Variants in STX18 observed in about 807,000 individuals in gnomAD.
STX18 encodes the protein syntaxin-18.
Under a neutral mutation model 50.1 loss-of-function variants are expected in STX18, and 40 were observed. The ratio of observed to expected loss-of-function variants is 0.80; its 90% CI spans 0.62 to 1.04. The LOEUF is 1.04. Ranked by LOEUF, STX18 falls within the 50% of genes least tolerant of loss-of-function variation. The pLI is 0.00. For missense variants in STX18, 410 were observed against 415.8 expected, an observed-to-expected ratio of 0.99 and a Z score of 0.12; for synonymous variants, 158 against 151.8, an observed-to-expected ratio of 1.04 and a Z score of -0.30.
At chr4:4,479,108 T>C (rs897157414) in intron 1 of STX18, 1 of 152,174 alleles carries the variant, frequency 6.6e-6, no homozygotes, top group Admixed American at 6.5e-5. Context: ...TTTTAAAAAA[T>C]AGTAGTGGCA....
At chr4:4,464,782 T>C (rs1398500106) in intron 2 of STX18, among the ~76,000 whole-genome samples, 1 of 151,822 alleles carries the variant, frequency 6.6e-6, no homozygotes, top group Non-Finnish European at 1.5e-5. Context: ...ACTGTGTTTA[T>C]TTAAATCTTC....
At chr4:4,449,042 C>CTTTTT (rs34106688) in intron 5 of STX18, among the ~76,000 whole-genome samples, 35 of 110,160 alleles carry the variant, frequency 3.2e-4, no homozygotes, top group East Asian at 1.3e-3. Context: ...GGACCCCATT[C>CTTTTT]TTTTTTTTTT....
chr4:4,431,191 G>GA lies in STX18; in HGVS notation c.702+3578dup, dbSNP rs201846931. 9.1e-3 allele frequency among the ~76,000 whole-genome samples: 1,368 copies of GA among 149,864 alleles called. 17 individuals are homozygous for GA. The highest frequency in any genetic ancestry group is 0.032 in the East Asian group (164 of 5,126). On this transcript the variant is annotated intron_variant, in intron 7 of 10. Coordinates refer to ENST00000306200, the MANE Select transcript of STX18 (RefSeq NM_016930.4). ...TGGAGTGCATTAAAAAAGAAAGAAA[G>GA]AAAAAAAAAGCCCAACACAGAAGGT...
rs528929197 is a variant in STX18, at chr4:4,494,336, G to A, written c.169-22630C>T. ...GAGACTGCATTCCCTGATCCCTAAGGTCTAGTCCAGCTCCCCAAATTCCCT... is the reference window on the plus strand; with the variant it reads ...GAGACTGCATTCCCTGATCCCTAAGATCTAGTCCAGCTCCCCAAATTCCCT... On this transcript the variant is annotated intron_variant, in intron 1 of 10. Coordinates refer to ENST00000306200, the MANE Select transcript of STX18 (RefSeq NM_016930.4). Among the ~76,000 whole-genome samples, 3 of 152,128 alleles carry A rather than the reference G, an allele frequency of 2.0e-5. No individual in the cohort carries two copies. In the East Asian group the frequency reaches 5.8e-4, roughly 29 times the overall value.
intron 2 of STX18, among the ~76,000 whole-genome samples, chr4:4,466,806 A>C (rs1469214393): frequency 6.6e-6 from 1 of 152,196 alleles, no homozygotes; most frequent in Non-Finnish European, 1.5e-5. Context: ...ATAGAGAAAG[A>C]GTTAAATATA....
chr4:4,512,929 T>C (rs1730067147), intron 1 of STX18, among the ~76,000 whole-genome samples: 1 of 152,150 alleles, frequency 6.6e-6, no homozygotes, highest in Admixed American at 6.5e-5. Context: ...CAGAAGACCA[T>C]AATTGACCAA....
intron 6 of STX18, among the ~76,000 whole-genome samples, chr4:4,437,100 C>T (rs1470275532): frequency 2.0e-5 from 3 of 152,138 alleles, no homozygotes; most frequent in Non-Finnish European, 4.4e-5. Context: ...GCTGGGATTA[C>T]AGGCGTGTGC....
At chr4:4,474,947 T>C (rs568417541) in intron 1 of STX18, among the ~76,000 whole-genome samples, 1 of 152,254 alleles carries the variant, frequency 6.6e-6, no homozygotes, top group South Asian at 2.1e-4. Context: ...GAGAAACTAA[T>C]ACACCTACTA....
chr4:4,514,136 A>G (rs1730132424), intron 1 of STX18, among the ~76,000 whole-genome samples: 1 of 152,204 alleles, frequency 6.6e-6, no homozygotes, highest in Non-Finnish European at 1.5e-5. Context: ...TGAAAGTAGT[A>G]AGTATTCAAT....
rs1404542871 is a variant in STX18, at chr4:4,495,440, G to A, written c.169-23734C>T. Among the ~76,000 whole-genome samples the A allele has an allele frequency of 2.0e-5, 3 of 151,964 alleles. 1 individual carries two copies. Among genetic ancestry groups the A allele is most frequent in the East Asian group, 3.9e-4 (2 of 5,176 alleles). ...GTCTTCCTCCATCACCCATGCTGCT[G>A]TGCTGTGACATGATCATACCTCAAT... On this transcript the variant is annotated intron_variant, in intron 1 of 10. Transcript: ENST00000306200.
At chr4:4,423,798 G>A in intron 8 of STX18, 1 of 581,604 alleles carries the variant, frequency 1.7e-6, no homozygotes, top group South Asian at 2.1e-5. Flanking sequence ...CTAGCACACT[G>A]GTCTTTTTGG....
At chr4:4,491,484 T>C (rs1477750179) in intron 1 of STX18, among the ~76,000 whole-genome samples, 1 of 152,102 alleles carries the variant, frequency 6.6e-6, no homozygotes, top group Non-Finnish European at 1.5e-5. Flanking sequence ...GTCTCTACTA[T>C]AGATTTTACA....
chr4:4,448,835 T>C (rs1454025875), intron 5 of STX18, among the ~76,000 whole-genome samples: 1 of 152,196 alleles, frequency 6.6e-6, no homozygotes, highest in African/African-American at 2.4e-5. Flanking sequence ...GTAAAATGGC[T>C]TTCAGTATCT....
At position 4,423,581 on chromosome 4, in the gene STX18, G is replaced by A. The variant is rs746484842; in HGVS notation, c.768C>T (p.Ile256=). 5 of 1,614,038 alleles carry A rather than the reference G, an allele frequency of 3.1e-6. No homozygotes were observed. The highest frequency in any genetic ancestry group is 2.2e-5 in the South Asian group (2 of 91,062). ...MNSLFDEVRQ[I]EGRVVEISRL... ...TGGAAATCTCAACCACTCTCCCTTC[G>A]ATTTGCCTTCATAAAAAGAACAGAT... The change falls in exon 9 of 11, where the codon ATC becomes ATT. Residue 256 remains isoleucine, a synonymous_variant. Coordinates refer to ENST00000306200, the MANE Select transcript of STX18 (RefSeq NM_016930.4).
chr4:4,485,022 G>A (rs964386662), intron 1 of STX18, among the ~76,000 whole-genome samples: 5 of 152,322 alleles, frequency 3.3e-5, no homozygotes, highest in African/African-American at 1.2e-4. Flanking sequence ...CATCTGGTCT[G>A]GAGGCTGTGT....
chr4:4,461,755 T>C lies in STX18; in HGVS notation c.237-2268A>G. On this transcript the variant is annotated intron_variant, in intron 2 of 10. Coordinates refer to ENST00000306200, the MANE Select transcript of STX18 (RefSeq NM_016930.4). ...ACAGAACCTGGGCTACCGGGGGGAA[T>C]GCTTATTCCCTAATCCTCATGTTTC... 7.3e-6 allele frequency: 3 copies of C among 412,742 alleles called. No homozygotes were observed. In the East Asian group the frequency reaches 2.1e-4, roughly 29 times the overall value. The allele number at this position is 412,742 out of a possible 1,614,324, so 25.6% of individuals were successfully genotyped here. A position where few individuals can be genotyped will look rare whatever the true frequency, so the allele number is the denominator to read the frequency against.
intron 1 of STX18, among the ~76,000 whole-genome samples, chr4:4,485,064 T>C (rs566880340): frequency 6.6e-6 from 1 of 152,330 alleles, no homozygotes; most frequent in African/African-American, 2.4e-5. Context: ...TGCATTCTTC[T>C]GAGTCTCCAT....
intron 5 of STX18, among the ~76,000 whole-genome samples, chr4:4,456,954 C>T (rs939320940): frequency 2.6e-5 from 4 of 152,148 alleles, no homozygotes; most frequent in Non-Finnish European, 5.9e-5. Context: ...GCCTCAACTT[C>T]CTCATTTGTA....
At chr4:4,511,867 G>A (rs1437961042) in intron 1 of STX18, among the ~76,000 whole-genome samples, 1 of 151,768 alleles carries the variant, frequency 6.6e-6, no homozygotes, top group Non-Finnish European at 1.5e-5. Context: ...ATGAAGGATG[G>A]GTTAAAGTTC....
Sources: gnomAD v4.1 joint callset for allele counts (sites outside exome capture counted in the v4.1 genomes callset) on GRCh38, gnomAD v4.1.1 for gene constraint, MANE v1.5 for transcripts, NCBI Gene and HGNC (gene_info 2026-07-23, HGNC 2026-07-21) for gene names.